Variants in GATA4 observed in about 807,000 individuals in gnomAD.
GATA4 encodes the protein transcription factor GATA-4.
A neutral mutation model predicts 37.9 loss-of-function variants in GATA4; 7 were observed. That is an observed-to-expected ratio of 0.18 (90% CI 0.11 to 0.35). The LOEUF (loss-of-function observed/expected upper bound fraction) is 0.35, where lower values mean the gene tolerates loss of function less well. Among genes scored for constraint, GATA4 ranks in the 10% least tolerant of loss-of-function variants. The pLI is 1.00. For synonymous variants in GATA4, 372 were observed against 292.6 expected (o/e 1.27, Z -2.77); for missense variants, 647 against 653.0 (o/e 0.99, Z 0.10).
Position 11,708,774 on chromosome 8 carries a change from C to T in GATA4, c.462C>T (p.Phe154=), listed in dbSNP as rs56348550. The change falls in exon 2 of 7, where the codon TTC becomes TTT. Residue 154 remains phenylalanine (F), a synonymous_variant. Transcript: ENST00000532059. The surrounding 1 kb of genome is among the most constrained non-coding windows in gnomAD (Gnocchi z 6.7). ...GCGAGCAGTACGGGCGCGCCGGCTT[C>T]GCGGGCTCCTACTCCAGCCCCTACC... The part of the protein sequence containing the change: ...AGREQYGRAG[F]AGSYSSPYPA... 5,221 of 1,435,180 alleles carry T rather than the reference C, an allele frequency of 3.6e-3. 11 individuals carry two copies. Among genetic ancestry groups the T allele is most frequent in the Non-Finnish European group, 4.4e-3 (4,838 of 1,099,560 alleles). The allele number at this position is 1,435,180 out of a possible 1,614,324, so 88.9% of individuals were successfully genotyped here.
chr8:11,693,717 C>T (rs1799414641), intron 1 of GATA4, among the ~76,000 whole-genome samples: 1 of 152,116 alleles, frequency 6.6e-6, no homozygotes, highest in Admixed American at 6.5e-5. Flanking sequence ...CTGGGGCCTG[C>T]ATCTCTTGCC....
Position 11,708,788 on chromosome 8 carries a change from C to A in GATA4, c.476C>A (p.Ser159Tyr), listed in dbSNP as rs1247038472. ...YGRAGFAGSYSSPYPAYMADV... is the reference protein window; with the variant it reads ...YGRAGFAGSYYSPYPAYMADV... ...CGCGCCGGCTTCGCGGGCTCCTACT[C>A]CAGCCCCTACCCGGCTTACATGGCC... The change falls in exon 2 of 7, where the codon TCC becomes TAC. Residue 159 changes from serine to tyrosine, a missense_variant. By Grantham distance (144) the Ser-to-Tyr change is moderately radical (BLOSUM62 -2). Coordinates refer to ENST00000532059, the MANE Select transcript of GATA4 (RefSeq NM_001308093.3). The surrounding 1 kb of genome is among the most constrained non-coding windows in gnomAD (Gnocchi z 6.7). 1.2e-5 allele frequency: 17 copies of A among 1,469,546 alleles called. No homozygotes were observed. The highest frequency in any genetic ancestry group is 1.5e-5 in the Non-Finnish European group (17 of 1,117,416). 91.0% of individuals were successfully genotyped at this position (1,469,546 alleles called of 1,614,324 possible). A position where few individuals can be genotyped will look rare whatever the true frequency, so the allele number is the denominator to read the frequency against.
At position 11,757,075 on chromosome 8, in the gene GATA4, G is replaced by A. The variant is rs114868912; in HGVS notation, c.1141G>A (p.Val381Met). 3.4e-3 allele frequency: 5,412 copies of A among 1,614,034 alleles called. 88 individuals are homozygous for A. The African/African-American group carries it at 0.037, about 11-fold the overall frequency. ...LSSHYGHSSS[V>M]SQTFSVSAMS... ...ATCTCACTACGGGCACAGCAGCTCC[G>A]TGTCCCAGGTACGCGCCATGGCTGG... Residue 381 changes from valine to methionine, a missense_variant, in exon 6 of 7, where the codon GTG becomes ATG. This residue lies in a region of GATA4 where 184 missense variants were observed against 157.1 expected (regional missense o/e 1.17). Coordinates refer to ENST00000532059, the MANE Select transcript of GATA4 (RefSeq NM_001308093.3).
chr8:11,711,604 C>G (rs1157441889), intron 2 of GATA4, among the ~76,000 whole-genome samples: 4 of 151,960 alleles, frequency 2.6e-5, no homozygotes, highest in African/African-American at 4.8e-5. Context: ...ATAGTGAGAC[C>G]CCATCCCTAC....
At chr8:11,699,230 A>G (rs1799595217), upstream of GATA4, among the ~76,000 whole-genome samples, 1 of 152,186 alleles carries the variant, frequency 6.6e-6, no homozygotes, top group Non-Finnish European at 1.5e-5. Flanking sequence ...TTCAGGGGGC[A>G]TGGACAAGTG....
chr8:11,730,899 T>G (rs1184203226), intron 2 of GATA4, among the ~76,000 whole-genome samples: 3 of 152,234 alleles, frequency 2.0e-5, no homozygotes, highest in Non-Finnish European at 4.4e-5. Flanking sequence ...TTGTCTCGTG[T>G]CATCTGCCTT....
At chr8:11,681,429 G>T in intron 1 of GATA4, 1 of 984,516 alleles carries the variant, frequency 1.0e-6, no homozygotes, top group Non-Finnish European at 1.2e-6. Context: ...GGGGGCCGTA[G>T]CTACGATCCC....
At chr8:11,722,055 C>T (rs1228285629) in intron 2 of GATA4, among the ~76,000 whole-genome samples, 2 of 152,084 alleles carry the variant, frequency 1.3e-5, no homozygotes, top group Non-Finnish European at 2.9e-5. Context: ...ACTTTGTTGC[C>T]CACACTGGTC....
In GATA4 at chr8:11,757,023, T is replaced by C. The variant is rs143385784; in HGVS notation, c.1089T>C (p.Arg363=). 6.2e-6 allele frequency: 10 copies of C among 1,614,068 alleles called. No homozygotes were observed. The African/African-American group carries it at 1.1e-4, about 17-fold the overall frequency. The part of the protein sequence containing the change: ...NATTSSSEEM[R]PIKTEPGLSS... Reference sequence around the variant, plus strand: ...CCACCAGCAGCAGCGAGGAGATGCGTCCCATCAAGACGGAGCCTGGCCTGT... The same window carrying C: ...CCACCAGCAGCAGCGAGGAGATGCGCCCCATCAAGACGGAGCCTGGCCTGT... The change falls in exon 6 of 7, where the codon CGT becomes CGC. Residue 363 remains arginine, a synonymous_variant. Coordinates refer to ENST00000532059, the MANE Select transcript of GATA4 (RefSeq NM_001308093.3).
intron 1 of GATA4, among the ~76,000 whole-genome samples, chr8:11,679,211 A>G (rs992988069): frequency 1.3e-5 from 2 of 151,334 alleles, no homozygotes; most frequent in African/African-American, 4.8e-5. Context: ...AATTATCTAG[A>G]TAAAAGAGCG....
intron 1 of GATA4, chr8:11,680,858 T>C (rs1798944988): frequency 1.0e-6 from 1 of 985,372 alleles, no homozygotes; most frequent in Non-Finnish European, 1.2e-6. Context: ...GCGAAGCCCC[T>C]GACCCATTTC....
chr8:11,689,787 C>G (rs558466010), upstream of GATA4, among the ~76,000 whole-genome samples: 1 of 152,144 alleles, frequency 6.6e-6, no homozygotes, highest in South Asian at 2.1e-4. Context: ...AGGCTCTGCC[C>G]GAGAGCCCAG....
intron 5 of GATA4, 91 bp from the exon 6 acceptor site, chr8:11,756,844 A>G (rs1802593204): frequency 2.6e-6 from 4 of 1,552,256 alleles, no homozygotes; most frequent in Non-Finnish European, 3.6e-6. Flanking sequence ...TAAAGCCATT[A>G]GCTTGCACCC....
At chr8:11,743,146 G>C (rs1425143295) in intron 2 of GATA4, among the ~76,000 whole-genome samples, 2 of 152,208 alleles carry the variant, frequency 1.3e-5, no homozygotes, top group African/African-American at 4.8e-5. Context: ...TGGTGGGCTG[G>C]GCACCACTGT....
intron 4 of GATA4, among the ~76,000 whole-genome samples, chr8:11,753,688 G>A (rs982278206): frequency 2.0e-5 from 3 of 152,094 alleles, no homozygotes; most frequent in African/African-American, 4.8e-5. Flanking sequence ...GTCGGGGGGT[G>A]CAAGTGCCAC....
chr8:11,679,898 G>A (rs1798899205), intron 1 of GATA4, among the ~76,000 whole-genome samples: 1 of 152,216 alleles, frequency 6.6e-6, no homozygotes, highest in Admixed American at 6.5e-5. Flanking sequence ...AACTGGCCAT[G>A]AATTTTAATC....
chr8:11,735,364 G>C (rs1001951075), intron 2 of GATA4, among the ~76,000 whole-genome samples: 25 of 152,200 alleles, frequency 1.6e-4, no homozygotes, highest in Admixed American at 2.0e-4. Flanking sequence ...ATAGTGATTG[G>C]ATAGCAGATG....
rs528527899 is a variant in GATA4 at position 11,681,018 on chromosome 8, C to T, written c.-274+3955C>T. ...AGACCCCGCACCCCCGAATCCCATA[C>T]CCCAGGCTGCAAAGCACAGATCTAA... On this transcript the variant is annotated intron_variant, in intron 1 of 6. Coordinates refer to the GATA4 transcript ENST00000528712. 6 of 936,768 alleles carry T rather than the reference C, an allele frequency of 6.4e-6. No homozygotes were observed. The Admixed American group carries it at 1.8e-4, about 29-fold the overall frequency. The allele number at this position is 936,768 out of a possible 1,614,324, so 58.0% of individuals were successfully genotyped here.
At chr8:11,757,164 G>A in intron 6 of GATA4, 81 bp downstream of exon 6, 1 of 1,572,232 alleles carries the variant, frequency 6.4e-7, no homozygotes, top group East Asian at 2.3e-5. Context: ...AGTACTGGGT[G>A]GGACTTGCAG....
Sources: allele counts gnomAD v4.1 joint callset (sites outside exome capture counted in the v4.1 genomes callset), GRCh38; gene constraint gnomAD v4.1.1; regional missense constraint gnomAD v4.1.1; non-coding constraint Gnocchi (gnomAD v3.1); transcripts MANE v1.5; gene names NCBI Gene and HGNC (gene_info 2026-07-23, HGNC 2026-07-21).